The following ARHGEF16 variants were observed in gnomAD, a reference collection of about 807,000 sequenced individuals.
ARHGEF16 encodes Rho guanine nucleotide exchange factor 16.
A neutral mutation model predicts 74.1 loss-of-function variants in ARHGEF16; 59 were observed. The ratio of observed to expected loss-of-function variants is 0.80; its 90% CI spans 0.65 to 0.99. The LOEUF (loss-of-function observed/expected upper bound fraction) is 0.99. ARHGEF16 is among the 50% of genes least tolerant of loss of function. ARHGEF16 has a pLI of 0.00. For synonymous variants in ARHGEF16, 415 were observed against 412.6 expected (o/e 1.01, Z -0.07); for missense variants, 948 against 986.6 (o/e 0.96, Z 0.52).
At chr1:3,471,492 C>G (rs1267318374) in intron 6 of ARHGEF16, 21 of 346,948 alleles carry the variant, frequency 6.1e-5, no homozygotes, top group Non-Finnish European at 8.3e-5. Flanking sequence ...GCTCCAGGGA[C>G]CAGCTATGGG....
intron 1 of ARHGEF16, among the ~76,000 whole-genome samples, chr1:3,457,247 A>G (rs1219646319): frequency 1.3e-5 from 2 of 152,244 alleles, no homozygotes; most frequent in Non-Finnish European, 1.5e-5. Context: ...CAAGGGCATC[A>G]TTGTAGCTTG....
chr1:3,475,862 G>A, intron 9 of ARHGEF16, 108 bp from the exon 10 acceptor site: 1 of 1,106,008 alleles, frequency 9.0e-7, no homozygotes, highest in Non-Finnish European at 1.3e-6. Context: ...CAGGCACTGT[G>A]GGCAGCCAGA....
At chr1:3,467,945 T>C (rs963288236) in intron 4 of ARHGEF16, among the ~76,000 whole-genome samples, 12 of 151,950 alleles carry the variant, frequency 7.9e-5, no homozygotes, top group Admixed American at 2.0e-4. Flanking sequence ...TGTGGTACAA[T>C]GGGGCTCCTT....
intron 9 of ARHGEF16, 27 bp downstream of exon 9, chr1:3,474,809 A>T (rs1212972451): frequency 1.2e-6 from 2 of 1,608,720 alleles, no homozygotes; most frequent in African/African-American, 2.7e-5. Flanking sequence ...CCCCAGCCCT[A>T]CCCGAGTCCT....
At chr1:3,468,555 T>A in intron 4 of ARHGEF16, 1 of 386,050 alleles carries the variant, frequency 2.6e-6, no homozygotes, top group Non-Finnish European at 4.9e-6. Flanking sequence ...TCCGCACCTC[T>A]CCATCTGCCG....
Position 3,466,632 on chromosome 1 carries a change from G to T in ARHGEF16, c.634+439G>T, listed in dbSNP as rs59161000. Reference sequence around the variant, plus strand: ...GCGGTGGTGCACACTCAGCCTGCTCGGGGGAGATGAGAACATCCCACAGGG... The same window carrying T: ...GCGGTGGTGCACACTCAGCCTGCTCTGGGGAGATGAGAACATCCCACAGGG... On this transcript the variant is annotated intron_variant, in intron 3 of 14. Coordinates refer to ENST00000378378, the MANE Select transcript of ARHGEF16 (RefSeq NM_014448.4). Among the ~76,000 whole-genome samples, 5 of 152,308 alleles carry T rather than the reference G, an allele frequency of 3.3e-5. No homozygotes were observed. The South Asian group carries it at 1.0e-3, about 32-fold the overall frequency.
chr1:3,463,341 A>C lies in ARHGEF16; in HGVS notation c.257A>C (p.Gln86Pro). ...CCGGCGGCCCTCAAGCTGGGCACCC[A>C]ACAGCTGATCCCTAAGAGCCTGGCT... ...ESPAALKLGTQQLIPKSLAVA... is the reference protein window; with the variant it reads ...ESPAALKLGTPQLIPKSLAVA... The change falls in exon 2 of 15, where the codon CAA becomes CCA. Residue 86 changes from glutamine (Q) to proline (P), a missense_variant. Gln to Pro is a moderately conservative substitution (Grantham distance 76, BLOSUM62 -1). Transcript: ENST00000378378. 6.5e-7 allele frequency: 1 copy of C among 1,550,166 alleles called. No homozygotes were observed. The highest frequency in any genetic ancestry group is 8.7e-7 in the Non-Finnish European group (1 of 1,146,888).
chr1:3,471,659 T>G (rs755239940), intron 6 of ARHGEF16: 279 of 1,229,792 alleles, frequency 2.3e-4, no homozygotes, highest in Admixed American at 7.8e-4. Flanking sequence ...GGCAGCTGCA[T>G]GTTTGCCTCT....
intron 14 of ARHGEF16, 115 bp downstream of exon 14, chr1:3,480,028 C>G (rs933168195): frequency 9.6e-7 from 1 of 1,038,834 alleles, no homozygotes; most frequent in African/African-American, 1.6e-5. Context: ...ATGTGCTCAC[C>G]CTCTCTCGAG....
At chr1:3,478,220 T>C (rs1033951326) in intron 11 of ARHGEF16, 194 bp downstream of exon 11, 2 of 919,118 alleles carry the variant, frequency 2.2e-6, no homozygotes, top group Non-Finnish European at 3.3e-6. Flanking sequence ...TGACCTCCTC[T>C]GCAGACCTGG....
At chr1:3,478,206 C>G in intron 11 of ARHGEF16, 180 bp downstream of exon 11, 1 of 931,464 alleles carries the variant, frequency 1.1e-6, no homozygotes, top group Non-Finnish European at 1.6e-6. Context: ...CGCTGTGCAG[C>G]CTCTGACCTC....
chr1:3,473,642 A>G, intron 8 of ARHGEF16, 120 bp downstream of exon 8: 20 of 1,494,562 alleles, frequency 1.3e-5, no homozygotes, highest in East Asian at 2.3e-5. Context: ...GGCCTATGAT[A>G]TTGTAATAGT....
At position 3,475,702 on chromosome 1, in the gene ARHGEF16, G is replaced by A. The variant is rs1318093281; in HGVS notation, c.1381-268G>A. On this transcript the variant is annotated intron_variant, in intron 9 of 14. Transcript: ENST00000378378. ...AGAGGTTCCCAGATTATCCATCCCA[G>A]GCCTTTCACAGCGCTGACAGGGAAA... 1.1e-4 allele frequency among the ~76,000 whole-genome samples: 12 copies of A among 108,448 alleles called. 1 individual carries two copies. The highest frequency in any genetic ancestry group is 1.6e-4 in the African/African-American group (5 of 30,980). The allele number at this position is 108,448 out of a possible 152,430, so 71.1% of individuals were successfully genotyped here.
chr1:3,457,820 T>A (rs12758368), intron 1 of ARHGEF16, among the ~76,000 whole-genome samples: 110,400 of 151,878 alleles, frequency 0.73, 43,112 homozygotes, highest in Non-Finnish European at 0.87. Flanking sequence ...AAGTCCCTCA[T>A]GCCCCATAAC....
intron 1 of ARHGEF16, among the ~76,000 whole-genome samples, chr1:3,458,259 C>CTGCCCTGTGCA (rs1553183115): frequency 9.7e-4 from 148 of 152,368 alleles, no homozygotes; most frequent in African/African-American, 3.4e-3. Context: ...GCGGCTCCCT[C>CTGCCCTGTGCA]TGCCCTGTGC....
At chr1:3,467,116 G>T in intron 3 of ARHGEF16, 52 bp from the exon 4 acceptor site, 5 of 1,509,450 alleles carry the variant, frequency 3.3e-6, no homozygotes, top group Non-Finnish European at 4.5e-6. Context: ...GCAGGGAGGC[G>T]CAGCCTTTTG....
intron 2 of ARHGEF16, 145 bp from the exon 3 acceptor site, chr1:3,466,003 G>A: frequency 1.2e-6 from 1 of 848,822 alleles, no homozygotes. Flanking sequence ...CTGCTTGGCG[G>A]CCGTGAGGCC....
At position 3,479,861 on chromosome 1, in the gene ARHGEF16, C is replaced by G. The variant is rs762579977; in HGVS notation, c.1938C>G (p.Asp646Glu). The change falls in exon 14 of 15, where the codon GAC (aspartate) becomes GAG (glutamate). Residue 646 changes from aspartate (D) to glutamate (E), a missense_variant. By Grantham distance (45) the Asp-to-Glu change is conservative. Coordinates refer to ENST00000378378, the MANE Select transcript of ARHGEF16 (RefSeq NM_014448.4). Reference sequence around the variant, plus strand: ...AGGCCTTCTTCGCGAAGCAAGCAGACGAGGTCACACTGCAGCAGGCGGACG... The same window carrying G: ...AGGCCTTCTTCGCGAAGCAAGCAGAGGAGGTCACACTGCAGCAGGCGGACG... ...ITKAFFAKQADEVTLQQADVV... is the reference protein window; with the variant it reads ...ITKAFFAKQAEEVTLQQADVV... The G allele has an allele frequency of 1.2e-6, 2 of 1,612,402 alleles. No homozygotes were observed. Among genetic ancestry groups the G allele is most frequent in the East Asian group, 2.2e-5 (1 of 44,874 alleles).
chr1:3,463,567 G>A lies in ARHGEF16; in HGVS notation c.483G>A (p.Leu161=), dbSNP rs1639463202. 10 of 1,452,122 alleles carry A rather than the reference G, an allele frequency of 6.9e-6. No homozygotes were observed. In the South Asian group the frequency reaches 1.0e-4, roughly 15 times the overall value. 90.0% of individuals were successfully genotyped at this position (1,452,122 alleles called of 1,614,324 possible). A position where few individuals can be genotyped will look rare whatever the true frequency, so the allele number is the denominator to read the frequency against. ...NQSYRAAMKG[L]GKPGGQGDAI... is the part of the protein sequence containing the mutation. ...CCTACCGGGCGGCCATGAAGGGCCT[G>A]GGGAAGCCAGGTGGCCAGGGAGATG... Residue 161 remains leucine (L), a synonymous_variant, in exon 2 of 15, where the codon CTG becomes CTA. Transcript: ENST00000378378.
Sources: gnomAD v4.1 joint callset for allele counts (sites outside exome capture counted in the v4.1 genomes callset) on GRCh38, gnomAD v4.1.1 for gene constraint, MANE v1.5 for transcripts, NCBI Gene and HGNC (gene_info 2026-07-23, HGNC 2026-07-21) for gene names.